The following FOXO3 variants were observed in gnomAD, a reference collection of about 807,000 sequenced individuals.
FOXO3 encodes forkhead box protein O3.
Under a neutral mutation model 41.9 loss-of-function variants are expected in FOXO3, and 4 were observed. That is an observed-to-expected ratio of 0.10 (90% confidence interval 0.05 to 0.22). The LOEUF is 0.22. Ranked by LOEUF, FOXO3 falls within the 10% of genes least tolerant of loss-of-function variation. The pLI is 1.00. For synonymous variants in FOXO3, 318 were observed against 389.3 expected (o/e 0.82, Z 2.16); for missense variants, 534 against 906.8 (o/e 0.59, Z 5.28).
At chr6:108,592,893 T>C (rs2128363561) in intron 1 of FOXO3, among the ~76,000 whole-genome samples, 1 of 152,312 alleles carries the variant, frequency 6.6e-6, no homozygotes, top group South Asian at 2.1e-4. Flanking sequence ...GGATGATTCT[T>C]AGTGCACTCA....
chr6:108,588,565 G>A (rs762823755), intron 1 of FOXO3, among the ~76,000 whole-genome samples: 1 of 152,122 alleles, frequency 6.6e-6, no homozygotes, highest in African/African-American at 2.4e-5. Flanking sequence ...TCTTCCTCTG[G>A]TCTACTGCTT....
intron 1 of FOXO3, among the ~76,000 whole-genome samples, chr6:108,602,940 G>A (rs1358490393): frequency 6.6e-6 from 1 of 152,026 alleles, no homozygotes. Context: ...AACTTTGAAA[G>A]GAATAAGATA....
chr6:108,648,959 T>G (rs1199467482), intron 1 of FOXO3, among the ~76,000 whole-genome samples: 1 of 145,764 alleles, frequency 6.9e-6, no homozygotes, highest in Non-Finnish European at 1.5e-5. Context: ...GTTATACCAC[T>G]GCACTCCAGT....
intron 2 of FOXO3, among the ~76,000 whole-genome samples, chr6:108,670,628 G>A (rs1223161786): frequency 6.6e-6 from 1 of 152,164 alleles, no homozygotes; most frequent in Non-Finnish European, 1.5e-5. Context: ...ATGTTATGCA[G>A]TGTTTCCTAA....
chr6:108,666,709 A>G (rs1279167618), intron 2 of FOXO3, among the ~76,000 whole-genome samples: 1 of 151,898 alleles, frequency 6.6e-6, no homozygotes, highest in African/African-American at 2.4e-5. Flanking sequence ...AGCTGGTTAG[A>G]AAAAAAGCGG....
chr6:108,650,957 T>C (rs1778532869), intron 1 of FOXO3, among the ~76,000 whole-genome samples: 1 of 152,184 alleles, frequency 6.6e-6, no homozygotes, highest in Non-Finnish European at 1.5e-5. Flanking sequence ...ATCAGCCGCT[T>C]TTGCATCCTG....
chr6:108,585,606 G>A, intron 1 of FOXO3, among the ~76,000 whole-genome samples: 1 of 152,170 alleles, frequency 6.6e-6, no homozygotes, highest in East Asian at 1.9e-4. Context: ...AGCAGAACAG[G>A]GCTGGGCTCT....
intron 1 of FOXO3, 48 bp downstream of exon 1, chr6:108,561,877 G>A (rs375191106): frequency 2.7e-6 from 4 of 1,496,952 alleles, no homozygotes; most frequent in African/African-American, 1.5e-5. Flanking sequence ...GGCCTCCTGC[G>A]CAGCGCGAGA....
rs1172428293 is a variant in FOXO3 at position 108,560,998 on chromosome 6, G to C, written c.-211G>C. The stretch of plus-strand genomic sequence containing the variant: ...GAGGCGGGCGCGGCAGGACTGGGAG[G>C]TGGCGGCAGCGGGCGAGGACTCGCC... On this transcript the variant is annotated 5_prime_UTR_variant, in exon 1 of 3. Transcript: ENST00000406360. 7.3e-7 allele frequency: 1 copy of C among 1,366,320 alleles called. No homozygotes were observed. 84.6% of individuals were successfully genotyped at this position (1,366,320 alleles called of 1,614,324 possible).
intron 1 of FOXO3, among the ~76,000 whole-genome samples, chr6:108,640,948 C>T (rs952829321): frequency 6.6e-6 from 1 of 152,202 alleles, no homozygotes; most frequent in Non-Finnish European, 1.5e-5. Flanking sequence ...GAGTCCCACT[C>T]TGTCGCCCAG....
At chr6:108,616,566 G>T (rs1040293572) in intron 1 of FOXO3, among the ~76,000 whole-genome samples, 2 of 152,040 alleles carry the variant, frequency 1.3e-5, no homozygotes, top group African/African-American at 4.8e-5. Context: ...CAAAGTGCTG[G>T]GATTACAGGT....
intron 1 of FOXO3, among the ~76,000 whole-genome samples, chr6:108,585,961 G>A (rs1253553532): frequency 6.6e-6 from 1 of 152,066 alleles, no homozygotes; most frequent in Non-Finnish European, 1.5e-5. Context: ...GCCTAAGGTC[G>A]GCTTCTACCA....
At chr6:108,612,663 A>G (rs997321517) in intron 1 of FOXO3, among the ~76,000 whole-genome samples, 3 of 151,992 alleles carry the variant, frequency 2.0e-5, no homozygotes, top group Non-Finnish European at 4.4e-5. Flanking sequence ...CTGGGTGACA[A>G]TAGCGAAACT....
chr6:108,630,290 G>T lies in FOXO3; in HGVS notation c.622-33165G>T, dbSNP rs1184527294. ...AAGAGCAGGCCGGAAGAGAGAGAAG[G>T]GAAGAAGGCAGAATGTTGAAAATGG... On this transcript the variant is annotated intron_variant, in intron 1 of 2. Coordinates refer to ENST00000406360, the MANE Select transcript of FOXO3 (RefSeq NM_001455.4). 2.0e-5 allele frequency among the ~76,000 whole-genome samples: 3 copies of T among 152,144 alleles called. No homozygotes were observed. In the East Asian group the frequency reaches 5.8e-4, roughly 29 times the overall value.
At chr6:108,587,008 GC>G (rs1776600123) in intron 1 of FOXO3, among the ~76,000 whole-genome samples, 1 of 149,940 alleles carries the variant, frequency 6.7e-6, no homozygotes, top group South Asian at 2.1e-4. Context: ...ATGAGGCCTT[GC>G]TGTGTTGCCT....
intron 1 of FOXO3, among the ~76,000 whole-genome samples, chr6:108,637,604 C>T (rs1405713771): frequency 6.6e-6 from 1 of 152,106 alleles, no homozygotes; most frequent in Non-Finnish European, 1.5e-5. Context: ...TTTCTAGAGT[C>T]GTGATTCTGG....
intron 1 of FOXO3, among the ~76,000 whole-genome samples, chr6:108,568,319 A>G (rs941888171): frequency 6.6e-6 from 1 of 151,478 alleles, no homozygotes; most frequent in Non-Finnish European, 1.5e-5. Context: ...GTTTGCCTCA[A>G]GTTCTTCAAG....
intron 1 of FOXO3, among the ~76,000 whole-genome samples, chr6:108,661,895 A>G (rs1306172373): frequency 6.6e-6 from 1 of 152,204 alleles, no homozygotes; most frequent in Non-Finnish European, 1.5e-5. Context: ...TTTACAGAAA[A>G]GTTGCAGAGA....
intron 1 of FOXO3, among the ~76,000 whole-genome samples, chr6:108,643,053 GA>G (rs1202573776): frequency 6.6e-6 from 1 of 152,174 alleles, no homozygotes; most frequent in Non-Finnish European, 1.5e-5. Flanking sequence ...CTTAGCTAAA[GA>G]ATTTCTATGG....
Sources: gnomAD v4.1 joint callset for allele counts (sites outside exome capture counted in the v4.1 genomes callset) on GRCh38, gnomAD v4.1.1 for gene constraint, MANE v1.5 for transcripts, NCBI Gene and HGNC (gene_info 2026-07-23, HGNC 2026-07-21) for gene names.